Variants in RALGAPA2 observed in about 807,000 individuals in gnomAD.
RALGAPA2 encodes the protein ral GTPase-activating protein subunit alpha-2.
RALGAPA2 carries 139 observed loss-of-function variants against 230.4 expected under a neutral mutation model. That is an observed-to-expected ratio of 0.60 (90% CI 0.53 to 0.69). The LOEUF is 0.69. Ranked by LOEUF, RALGAPA2 falls within the 30% of genes least tolerant of loss-of-function variation. The probability of loss-of-function intolerance (pLI) is 0.00; values close to 1 mark genes in which losing one functional copy is unlikely to be tolerated. For synonymous variants in RALGAPA2, 847 were observed against 837.8 expected (o/e 1.01, Z -0.19); for missense variants, 2,163 against 2,276.0 (o/e 0.95, Z 1.01).
At chr20:20,616,821 A>G (rs2066159339) in intron 12 of RALGAPA2, among the ~76,000 whole-genome samples, 1 of 152,216 alleles carries the variant, frequency 6.6e-6, no homozygotes, top group South Asian at 2.1e-4. Flanking sequence ...ACAAAATCTA[A>G]GTGAATTCTT....
intron 23 of RALGAPA2, among the ~76,000 whole-genome samples, chr20:20,567,217 A>G (rs1306172282): frequency 6.6e-6 from 1 of 152,220 alleles, no homozygotes; most frequent in Admixed American, 6.5e-5. Context: ...GTCCTTTTCC[A>G]TTTCACACAT....
At chr20:20,590,214 T>A (rs2146091234) in intron 17 of RALGAPA2, among the ~76,000 whole-genome samples, 1 of 152,158 alleles carries the variant, frequency 6.6e-6, no homozygotes, top group Admixed American at 6.5e-5. Flanking sequence ...TTGAACTTAT[T>A]CCTCCTCCAT....
chr20:20,489,438 G>C (rs2061994292), intron 36 of RALGAPA2, among the ~76,000 whole-genome samples: 2 of 151,940 alleles, frequency 1.3e-5, no homozygotes, highest in Admixed American at 1.3e-4. Context: ...TCTATCTTTA[G>C]TAACACCACA....
At chr20:20,637,639 G>T in intron 7 of RALGAPA2, 138 bp from the exon 8 acceptor site, 1 of 790,380 alleles carries the variant, frequency 1.3e-6, no homozygotes, top group Non-Finnish European at 1.9e-6. Flanking sequence ...ATCATGTAAT[G>T]AAATAATAAC....
chr20:20,597,654 C>A (rs2065499320), intron 16 of RALGAPA2, among the ~76,000 whole-genome samples: 1 of 152,054 alleles, frequency 6.6e-6, no homozygotes, highest in African/African-American at 2.4e-5. Flanking sequence ...GCCTGGCCAA[C>A]ATGGTGAAAC....
At chr20:20,394,889 C>CAAAAAAAAAAAAAAAAAAAAAAAGAAA (rs10673778) in intron 39 of RALGAPA2, among the ~76,000 whole-genome samples, 1 of 44,648 alleles carries the variant, frequency 2.2e-5, no homozygotes, top group Non-Finnish European at 3.9e-5. Flanking sequence ...AATAAATAAG[C>CAAAAAAAAAAAAAAAAAAAAAAAGAAA]AAAAAAAAAA....
At chr20:20,396,184 C>T (rs1206368645) in intron 39 of RALGAPA2, among the ~76,000 whole-genome samples, 1 of 152,236 alleles carries the variant, frequency 6.6e-6, no homozygotes. Flanking sequence ...CCACCCTCTG[C>T]GCTCCCGCAG....
At chr20:20,527,291 AAC>A (rs1429425220) in intron 27 of RALGAPA2, among the ~76,000 whole-genome samples, 3 of 152,196 alleles carry the variant, frequency 2.0e-5, no homozygotes, top group African/African-American at 4.8e-5. Flanking sequence ...CTACAGAATA[AAC>A]AGTTACTGAC....
chr20:20,684,526 A>G (rs1353377939), intron 1 of RALGAPA2, among the ~76,000 whole-genome samples: 1 of 152,186 alleles, frequency 6.6e-6, no homozygotes. Context: ...TTTCTTGTGG[A>G]TAAGGCATTG....
At chr20:20,580,652 C>T (rs2064958666) in intron 20 of RALGAPA2, among the ~76,000 whole-genome samples, 1 of 152,198 alleles carries the variant, frequency 6.6e-6, no homozygotes, top group South Asian at 2.1e-4. Context: ...TGAGTATAAA[C>T]TTCTTCCTCC....
intron 38 of RALGAPA2, among the ~76,000 whole-genome samples, chr20:20,401,894 G>A (rs578083382): frequency 1.9e-4 from 29 of 152,298 alleles, no homozygotes; most frequent in Admixed American, 2.6e-4. Flanking sequence ...TCAGTTATCC[G>A]TGCCAAAGTG....
At chr20:20,599,031 G>A (rs547772619) in intron 16 of RALGAPA2, among the ~76,000 whole-genome samples, 6 of 152,136 alleles carry the variant, frequency 3.9e-5, no homozygotes, top group African/African-American at 1.4e-4. Context: ...CAGGACAATG[G>A]GCAATCCACA....
At chr20:20,663,903 T>C (rs900309751) in intron 3 of RALGAPA2, among the ~76,000 whole-genome samples, 3 of 152,188 alleles carry the variant, frequency 2.0e-5, no homozygotes, top group South Asian at 2.1e-4. Flanking sequence ...GGAGCCATTA[T>C]TGAGTAAATT....
intron 33 of RALGAPA2, among the ~76,000 whole-genome samples, chr20:20,509,235 AAACAG>A (rs1360682859): frequency 6.6e-6 from 1 of 152,224 alleles, no homozygotes; most frequent in African/African-American, 2.4e-5. Flanking sequence ...AAGAATCAGG[AAACAG>A]AATACAGTGA....
intron 37 of RALGAPA2, among the ~76,000 whole-genome samples, chr20:20,413,028 C>T (rs1256898491): frequency 2.0e-5 from 3 of 152,204 alleles, no homozygotes; most frequent in African/African-American, 4.8e-5. Context: ...ACTGCACATA[C>T]GACGTTATGA....
At chr20:20,697,930 G>C (rs577674396) in intron 1 of RALGAPA2, among the ~76,000 whole-genome samples, 1 of 152,134 alleles carries the variant, frequency 6.6e-6, no homozygotes, top group African/African-American at 2.4e-5. Flanking sequence ...AAAGCCAAAC[G>C]CTCCCTTAGA....
In RALGAPA2 at chr20:20,712,533, C is replaced by T; in HGVS notation, c.-53G>A. 1 of 1,514,364 alleles carries T rather than the reference C, an allele frequency of 6.6e-7. No individual in the cohort carries two copies. The highest frequency in any genetic ancestry group is 8.8e-7 in the Non-Finnish European group (1 of 1,131,656). 93.8% of individuals were successfully genotyped at this position (1,514,364 alleles called of 1,614,324 possible). ...GGCGGGGCAGTAGGCGCCTGCGCCA[C>T]GCGAATCAAAGCATAGGGTCGAGGC... On this transcript the variant is annotated 5_prime_UTR_variant, in exon 1 of 40. The change creates a new upstream start codon in the 5' untranslated region. Transcript: ENST00000202677. The surrounding 1 kb of genome is among the most constrained non-coding windows in gnomAD (Gnocchi z 5.5).
chr20:20,701,204 T>A (rs1429389174), intron 1 of RALGAPA2, among the ~76,000 whole-genome samples: 1 of 152,168 alleles, frequency 6.6e-6, no homozygotes, highest in African/African-American at 2.4e-5. Flanking sequence ...CCTGTCTGTA[T>A]CTCATGTGTA....
intron 30 of RALGAPA2, among the ~76,000 whole-genome samples, chr20:20,523,214 G>A (rs902699626): frequency 1.3e-5 from 2 of 152,126 alleles, no homozygotes; most frequent in African/African-American, 4.8e-5. Flanking sequence ...AGGTTTGAGA[G>A]ACACTGTTAA....
Sources: gnomAD v4.1 joint callset for allele counts (sites outside exome capture counted in the v4.1 genomes callset) on GRCh38, gnomAD v4.1.1 for gene constraint, Gnocchi (gnomAD v3.1) non-coding constraint, MANE v1.5 for transcripts, NCBI Gene and HGNC (gene_info 2026-07-23, HGNC 2026-07-21) for gene names.